The following SLC19A1 variants were observed in gnomAD, a reference collection of about 807,000 sequenced individuals.
The protein encoded by SLC19A1 is solute carrier family 19 member 1, also known as reduced folate transporter.
In SLC19A1, 37 loss-of-function variants were observed where a neutral mutation model predicts 35.3. The ratio of observed to expected loss-of-function variants is 1.05; its 90% CI spans 0.81 to 1.38. The LOEUF (loss-of-function observed/expected upper bound fraction) is 1.38. Ranked by LOEUF, SLC19A1 falls within the 40% of genes most tolerant of loss-of-function variation. The pLI is 0.00. For missense variants in SLC19A1, 831 were observed against 826.9 expected, an observed-to-expected ratio of 1.00 and a Z score of -0.06; for synonymous variants, 460 against 398.5, an observed-to-expected ratio of 1.15 and a Z score of -1.84.
In SLC19A1 at chr21:45,505,155, C is replaced by T. The variant is rs371106773; in HGVS notation, c.498-6543G>A. ...GTAGGGTCCCAAGGGAGAGAGCATC[C>T]GGGGCCAGCCCGGCCCACCTGGACC... On this transcript the variant is annotated intron_variant, in intron 3 of 4. Transcript: ENST00000417954. The T allele has an allele frequency of 1.8e-4, 287 of 1,608,844 alleles. 2 individuals carry two copies. The African/African-American group carries it at 2.1e-3, about 12-fold the overall frequency.
At chr21:45,552,359 C>T (rs1602945674) in intron 1 of SLC19A1, among the ~76,000 whole-genome samples, 1 of 152,114 alleles carries the variant, frequency 6.6e-6, no homozygotes, top group South Asian at 2.1e-4. Context: ...ACAAAACTGC[C>T]CTCCTGTCCA....
chr21:45,507,920 C>T (rs1227408334), downstream of SLC19A1, among the ~76,000 whole-genome samples: 1 of 152,202 alleles, frequency 6.6e-6, no homozygotes, highest in African/African-American at 2.4e-5. Flanking sequence ...CTTTGCCTTC[C>T]CTCACCCAAA....
chr21:45,509,393 A>G, downstream of SLC19A1: 1 of 1,542,462 alleles, frequency 6.5e-7, no homozygotes, highest in Non-Finnish European at 8.7e-7. Context: ...CCCGTGGTGC[A>G]GCTGCACGAC....
Position 45,515,747 on chromosome 21 carries a change from A to T in SLC19A1, c.1687T>A (p.Cys563Ser). 6.2e-7 allele frequency: 1 copy of T among 1,613,808 alleles called. No homozygotes were observed. The change falls in exon 6 of 6, where the codon TGT becomes AGT. Residue 563 changes from cysteine (C) to serine (S), a missense_variant. Physicochemically the swap from Cys to Ser is moderately radical, Grantham distance 112 (BLOSUM62 -1). Transcript: ENST00000311124. ...ASGPEAADET[C>S]PQLAVHPPGV... ...GGAGGATGGACAGCCAGCTGGGGACAAGTCTCATCTGCAGCCTCAGGGCCT... is the reference window on the plus strand; with the variant it reads ...GGAGGATGGACAGCCAGCTGGGGACTAGTCTCATCTGCAGCCTCAGGGCCT...
chr21:45,506,305 GC>G (rs2037201032), intron 3 of SLC19A1: 8 of 372,948 alleles, frequency 2.1e-5, no homozygotes, highest in South Asian at 1.7e-4. Flanking sequence ...CGGCAGGGGG[GC>G]TCAGGCCCTC....
Position 45,512,908 on chromosome 21 carries a change from A to G in SLC19A1, c.*2750T>C, listed in dbSNP as rs1312123121. 2 of 194,908 alleles carry G rather than the reference A, an allele frequency of 1.0e-5. No individual in the cohort carries two copies. Among genetic ancestry groups the G allele is most frequent in the African/African-American group, 2.4e-5 (1 of 42,376 alleles). The allele number at this position is 194,908 out of a possible 1,614,324, so 12.1% of individuals were successfully genotyped here. The stretch of plus-strand genomic sequence containing the variant: ...AGGGTGTGTGCTCGCCCTGCGGTAG[A>G]TGGGAGGGAGGCTCAGGTCCCTGGG... On this transcript the variant is annotated 3_prime_UTR_variant, in exon 6 of 6. Coordinates refer to ENST00000311124, the MANE Select transcript of SLC19A1 (RefSeq NM_194255.4).
intron 2 of SLC19A1, among the ~76,000 whole-genome samples, chr21:45,532,498 ATCTTAGC>A (rs1320994962): frequency 6.6e-6 from 1 of 152,172 alleles, no homozygotes; most frequent in Non-Finnish European, 1.5e-5. Context: ...CAGTGGCACG[ATCTTAGC>A]TCATTGCAAC....
chr21:45,504,825 G>A lies in SLC19A1; in HGVS notation c.498-6213C>T, dbSNP rs535978621. Among the ~76,000 whole-genome samples the A allele has an allele frequency of 3.9e-5, 6 of 152,216 alleles. 1 individual carries two copies. The highest frequency in any genetic ancestry group is 4.1e-4 in the South Asian group (2 of 4,828). On this transcript the variant is annotated intron_variant, in intron 3 of 4. Coordinates refer to the SLC19A1 transcript ENST00000417954. ...GTGCATCCACCTCTGCTCCTGGGCC[G>A]GGTCAGGTCAGATCAGGGTTTAGGC... is the stretch of plus-strand genomic sequence containing the variant.
chr21:45,508,496 TGGA>T (rs2037383070), downstream of SLC19A1, among the ~76,000 whole-genome samples: 1 of 144,078 alleles, frequency 6.9e-6, no homozygotes, highest in African/African-American at 2.8e-5. Context: ...GGTGGGTGGA[TGGA>T]TGGTGGGTAA....
rs79268468 is a variant in SLC19A1, at chr21:45,506,827, C to T, written c.498-8215G>A. ...CTTCCCTCTAGCACTCCCTCCCTCT[C>T]GCCACCGGCCCCCTCCTAGGCCTGG... On this transcript the variant is annotated intron_variant, in intron 3 of 4. Transcript: ENST00000417954. 8.2e-4 allele frequency: 139 copies of T among 169,154 alleles called. 1 individual carries two copies. The highest frequency in any genetic ancestry group is 2.9e-3 in the African/African-American group (123 of 41,870). 10.5% of individuals were successfully genotyped at this position (169,154 alleles called of 1,614,324 possible).
At position 45,512,658 on chromosome 21, in the gene SLC19A1, G is replaced by A. The variant is rs910437212; in HGVS notation, c.*3000C>T. ...CTGTGAGCCCAGCTGGGTCAGGCAG[G>A]GTGCAGTATCATGCCCTGTGCAACC... On this transcript the variant is annotated 3_prime_UTR_variant, in exon 6 of 6. Transcript: ENST00000311124. 1.8e-5 allele frequency: 10 copies of A among 554,118 alleles called. No homozygotes were observed. Among genetic ancestry groups the A allele is most frequent in the Non-Finnish European group, 3.2e-5 (10 of 308,226 alleles). 34.3% of individuals were successfully genotyped at this position (554,118 alleles called of 1,614,324 possible). A position where few individuals can be genotyped will look rare whatever the true frequency, so the allele number is the denominator to read the frequency against.
intron 4 of SLC19A1, among the ~76,000 whole-genome samples, chr21:45,528,745 A>C (rs2077739533): frequency 6.6e-6 from 1 of 152,102 alleles, no homozygotes; most frequent in Admixed American, 6.5e-5. Context: ...TGGTGACTTT[A>C]CCCATAGACT....
upstream of SLC19A1, among the ~76,000 whole-genome samples, chr21:45,542,682 A>C (rs1602922263): frequency 7.9e-6 from 1 of 126,760 alleles, no homozygotes; most frequent in Non-Finnish European, 1.7e-5. Flanking sequence ...CCTGACCCCG[A>C]CCGCCCCTCG....
At chr21:45,507,632 A>T, downstream of SLC19A1, 1 of 1,595,002 alleles carries the variant, frequency 6.3e-7, no homozygotes, top group Non-Finnish European at 8.6e-7. Flanking sequence ...GTGGGTGGTC[A>T]GGACATGAGG....
chr21:45,509,520 G>A (rs755052814), downstream of SLC19A1: 39 of 1,533,546 alleles, frequency 2.5e-5, no homozygotes, highest in Non-Finnish European at 3.1e-5. Flanking sequence ...CCGGAGCCCC[G>A]CACCACAGCT....
chr21:45,510,276 TC>T, downstream of SLC19A1: 1 of 1,591,154 alleles, frequency 6.3e-7, no homozygotes, highest in Non-Finnish European at 8.5e-7. Flanking sequence ...GTCAGTCCAG[TC>T]CTGAGGGCGC....
At chr21:45,508,356 G>C (rs548274073), downstream of SLC19A1, among the ~76,000 whole-genome samples, 170 of 151,780 alleles carry the variant, frequency 1.1e-3, no homozygotes, top group Non-Finnish European at 2.0e-3. Flanking sequence ...GTGGACAAGT[G>C]GGTGAGTGGA....
At chr21:45,505,908 T>G in intron 3 of SLC19A1, 1 of 1,613,062 alleles carries the variant, frequency 6.2e-7, no homozygotes, top group Non-Finnish European at 8.5e-7. Context: ...TGGCTCATCT[T>G]CGTGGCCGAG....
At chr21:45,528,323 C>A (rs1232776870) in intron 4 of SLC19A1, among the ~76,000 whole-genome samples, 1 of 151,986 alleles carries the variant, frequency 6.6e-6, no homozygotes, top group African/African-American at 2.4e-5. Flanking sequence ...GAGTGTGGGG[C>A]GTGATGGGGG....
Sources: allele counts gnomAD v4.1 joint callset (sites outside exome capture counted in the v4.1 genomes callset), GRCh38; gene constraint gnomAD v4.1.1; transcripts MANE v1.5; gene names NCBI Gene and HGNC (gene_info 2026-07-23, HGNC 2026-07-21).